ABAT: variants seen among roughly 807,000 people sequenced by gnomAD.
ABAT encodes the protein 4-aminobutyrate aminotransferase, mitochondrial.
A neutral mutation model predicts 64.6 loss-of-function variants in ABAT; 45 were observed. The observed-to-expected ratio is 0.70, with a 90% confidence interval of 0.55 to 0.89. The LOEUF (loss-of-function observed/expected upper bound fraction) is 0.89. ABAT is among the 40% of genes least tolerant of loss of function. The pLI, the probability that ABAT is intolerant of heterozygous loss-of-function variation, is 0.00. For synonymous variants in ABAT, 297 were observed against 250.5 expected (o/e 1.19, Z -1.75); for missense variants, 633 against 658.4 (o/e 0.96, Z 0.42).
At chr16:8,780,616 G>A in intron 15 of ABAT, 1 of 159,018 alleles carries the variant, frequency 6.3e-6, no homozygotes, top group Non-Finnish European at 1.4e-5. Flanking sequence ...ACAAAAATTA[G>A]CTGGCCGTGG....
chr16:8,776,634 C>A lies in ABAT; in HGVS notation c.1269+144C>A. 1.1e-6 allele frequency: 1 copy of A among 881,746 alleles called. No individual in the cohort carries two copies. The highest frequency in any genetic ancestry group is 1.8e-6 in the Non-Finnish European group (1 of 559,426). The allele number at this position is 881,746 out of a possible 1,614,324, so 54.6% of individuals were successfully genotyped here. ...GCTGTGCTGCTCCTAGCCTTGGGGG[C>A]TTTGCACATGCTGTGTCCTCTGCAG... On this transcript the variant is annotated intron_variant, in intron 14 of 15. Coordinates refer to ENST00000268251, the MANE Select transcript of ABAT (RefSeq NM_020686.6). This position sits in a 1 kb window ranked among gnomAD's most constrained non-coding sequence, Gnocchi z 4.4.
Position 8,764,121 on chromosome 16 carries a change from T to C in ABAT, c.419T>C (p.Val140Ala), listed in dbSNP as rs886052429. 6.9e-5 allele frequency: 111 copies of C among 1,613,268 alleles called. No individual in the cohort carries two copies. Among genetic ancestry groups the C allele is most frequent in the Non-Finnish European group, 8.7e-5 (103 of 1,179,940 alleles). Reference protein sequence around the residue: ...ALGILPPENFVEKLRQSLLSV... With the variant: ...ALGILPPENFAEKLRQSLLSV... ...GGAATCCTGCCTCCGGAGAACTTTG[T>C]GGAGAAGCTCCGGCAGTCCTTGCTC... Residue 140 changes from valine (V) to alanine (A), a missense_variant, in exon 7 of 16, where the codon GTG becomes GCG. Coordinates refer to ENST00000268251, the MANE Select transcript of ABAT (RefSeq NM_020686.6). The surrounding 1 kb of genome is among the most constrained non-coding windows in gnomAD (Gnocchi z 4.2).
chr16:8,724,737 AAAAAAAAAC>A (rs1199670519), intron 1 of ABAT, among the ~76,000 whole-genome samples: 3,533 of 10,432 alleles, frequency 0.34, 420 homozygotes, highest in East Asian at 0.58. Context: ...TCAGGAAAAA[AAAAAAAAAC>A]AAAAAAAAAA....
chr16:8,772,987 C>T (rs1210129250), intron 12 of ABAT, 70 bp downstream of exon 12: 3 of 1,598,842 alleles, frequency 1.9e-6, no homozygotes, highest in Non-Finnish European at 1.7e-6. Context: ...AGTAACGGGC[C>T]AGCAGCACCT....
chr16:8,719,163 C>A (rs547468522), intron 1 of ABAT, among the ~76,000 whole-genome samples: 5 of 152,286 alleles, frequency 3.3e-5, no homozygotes, highest in African/African-American at 1.2e-4. Flanking sequence ...ACTGAGGAAT[C>A]TCTGGGGCTC....
At chr16:8,719,995 T>A (rs1352749279) in intron 1 of ABAT, among the ~76,000 whole-genome samples, 1 of 152,150 alleles carries the variant, frequency 6.6e-6, no homozygotes, top group Non-Finnish European at 1.5e-5. Flanking sequence ...TATTTTTTTG[T>A]AGAGTTGGGA....
intron 9 of ABAT, among the ~76,000 whole-genome samples, chr16:8,766,902 C>T (rs537257920): frequency 3.4e-4 from 51 of 149,598 alleles, no homozygotes; most frequent in African/African-American, 1.1e-3. Flanking sequence ...CCGACGGGCG[C>T]GGAGGTTGCA....
intron 11 of ABAT, among the ~76,000 whole-genome samples, chr16:8,772,549 C>T (rs2060144117): frequency 6.6e-6 from 1 of 152,228 alleles, no homozygotes; most frequent in Non-Finnish European, 1.5e-5. Context: ...AGCTAAATTA[C>T]TTGCCCCAAT....
chr16:8,744,724 C>T (rs147420762), intron 2 of ABAT, among the ~76,000 whole-genome samples: 76 of 149,978 alleles, frequency 5.1e-4, no homozygotes, highest in African/African-American at 1.7e-3. Context: ...TAAAATTAGC[C>T]GGGTGTAGTG....
At chr16:8,681,214 C>T (rs1334880162) in intron 1 of ABAT, among the ~76,000 whole-genome samples, 5 of 151,772 alleles carry the variant, frequency 3.3e-5, no homozygotes, top group African/African-American at 1.2e-4. Context: ...TGGTTTTGAA[C>T]TCCTAGGATC....
intron 5 of ABAT, among the ~76,000 whole-genome samples, chr16:8,756,795 A>G (rs140770610): frequency 2.0e-5 from 3 of 152,358 alleles, no homozygotes; most frequent in East Asian, 1.9e-4. Flanking sequence ...GTCTTGAGAT[A>G]TGAGAGTGTC....
At chr16:8,730,990 T>C (rs2058702306) in intron 1 of ABAT, among the ~76,000 whole-genome samples, 1 of 152,242 alleles carries the variant, frequency 6.6e-6, no homozygotes, top group Non-Finnish European at 1.5e-5. Flanking sequence ...TGAGACGGTG[T>C]CTCACTCTAT....
At chr16:8,716,898 G>C (rs1016853961) in intron 1 of ABAT, among the ~76,000 whole-genome samples, 5 of 152,208 alleles carry the variant, frequency 3.3e-5, no homozygotes, top group Non-Finnish European at 7.3e-5. Context: ...CTGAGACGTG[G>C]CTATTCTAAA....
chr16:8,717,498 C>T (rs1476623076), intron 1 of ABAT, among the ~76,000 whole-genome samples: 1 of 152,146 alleles, frequency 6.6e-6, no homozygotes, highest in African/African-American at 2.4e-5. Flanking sequence ...GAGCATACTA[C>T]CTGTGCCTTC....
chr16:8,751,542 C>T (rs1166505490), intron 5 of ABAT, among the ~76,000 whole-genome samples: 2 of 152,194 alleles, frequency 1.3e-5, no homozygotes, highest in African/African-American at 4.8e-5. Context: ...GGCTCTGGTG[C>T]ATACACCACA....
At chr16:8,752,156 C>G (rs959376365) in intron 5 of ABAT, among the ~76,000 whole-genome samples, 12 of 152,216 alleles carry the variant, frequency 7.9e-5, no homozygotes, top group African/African-American at 2.9e-4. Flanking sequence ...TTTCCTCACA[C>G]CTATTTATTT....
At chr16:8,772,233 C>G (rs1279095005) in intron 11 of ABAT, among the ~76,000 whole-genome samples, 1 of 143,366 alleles carries the variant, frequency 7.0e-6, no homozygotes. Flanking sequence ...CCAGACTCTG[C>G]TGTATTTTCT....
chr16:8,768,422 A>G (rs1321061229), intron 10 of ABAT, among the ~76,000 whole-genome samples, 166 bp downstream of exon 10: 3 of 152,206 alleles, frequency 2.0e-5, no homozygotes, highest in Non-Finnish European at 4.4e-5. Context: ...TGGGGGAATC[A>G]GTGTTCAGGA....
At chr16:8,730,680 G>A (rs971409530) in intron 1 of ABAT, among the ~76,000 whole-genome samples, 1 of 152,136 alleles carries the variant, frequency 6.6e-6, no homozygotes, top group Non-Finnish European at 1.5e-5. Context: ...GTCCACTGTG[G>A]GGCTGGGTAG....
Sources: gnomAD v4.1 joint callset for allele counts (sites outside exome capture counted in the v4.1 genomes callset) on GRCh38, gnomAD v4.1.1 for gene constraint, Gnocchi (gnomAD v3.1) non-coding constraint, MANE v1.5 for transcripts, NCBI Gene and HGNC (gene_info 2026-07-23, HGNC 2026-07-21) for gene names.